HPSE2: variants seen among roughly 807,000 people sequenced by gnomAD.
HPSE2 encodes heparanase 2 (inactive).
HPSE2 carries 38 observed loss-of-function variants against 60.5 expected under a neutral mutation model. That is an observed-to-expected ratio of 0.63 (90% CI 0.48 to 0.82). The LOEUF is 0.82. Among genes scored for constraint, HPSE2 ranks in the 40% least tolerant of loss-of-function variants. HPSE2 has a pLI of 0.00. For missense variants in HPSE2, 713 were observed against 740.4 expected, an observed-to-expected ratio of 0.96 and a Z score of 0.43; for synonymous variants, 295 against 293.2, an observed-to-expected ratio of 1.01 and a Z score of -0.06.
intron 4 of HPSE2, among the ~76,000 whole-genome samples, chr10:98,737,446 G>T (rs1949386693): frequency 8.8e-6 from 1 of 113,356 alleles, no homozygotes; most frequent in African/African-American, 3.1e-5. Context: ...GCAGCCCAGT[G>T]TTGTATCTGG....
chr10:99,169,157 C>T (rs1407484490), intron 2 of HPSE2, among the ~76,000 whole-genome samples: 6 of 141,432 alleles, frequency 4.2e-5, no homozygotes, highest in Non-Finnish European at 7.5e-5. Flanking sequence ...TGCGCCACTG[C>T]ACTCCAGCCT....
chr10:99,027,670 CACCACT>C (rs1359328217), intron 3 of HPSE2, among the ~76,000 whole-genome samples: 1 of 112,952 alleles, frequency 8.9e-6, no homozygotes, highest in Admixed American at 1.2e-4. Flanking sequence ...ACACCACCAC[CACCACT>C]ACCACCACCA....
rs567005722 is a variant in HPSE2, at chr10:98,942,292, A to C, written c.611-198236T>G. On this transcript the variant is annotated intron_variant, in intron 3 of 11. Transcript: ENST00000370552. ...AGAAACTACCATTAGAGTGAACAGGAAACCTATAAAATGGGAGAAAATTTT... is the reference window on the plus strand; with the variant it reads ...AGAAACTACCATTAGAGTGAACAGGCAACCTATAAAATGGGAGAAAATTTT... Among the ~76,000 whole-genome samples the C allele has an allele frequency of 2.9e-3, 417 of 141,678 alleles. 25 individuals are homozygous for C. Among genetic ancestry groups the C allele is most frequent in the Non-Finnish European group, 4.2e-3 (281 of 66,632 alleles). 92.9% of individuals were successfully genotyped at this position (141,678 alleles called of 152,430 possible).
intron 3 of HPSE2, among the ~76,000 whole-genome samples, chr10:98,912,867 T>C (rs1443390954): frequency 6.6e-6 from 1 of 152,178 alleles, no homozygotes; most frequent in Non-Finnish European, 1.5e-5. Context: ...TAAGACCTAC[T>C]ATTTGATAGC....
At chr10:98,534,660 C>T (rs1943228936) in intron 9 of HPSE2, among the ~76,000 whole-genome samples, 1 of 152,234 alleles carries the variant, frequency 6.6e-6, no homozygotes, top group African/African-American at 2.4e-5. Context: ...CCACCTCAGC[C>T]TCCCAAAGTG....
chr10:99,176,257 G>A (rs996460638), intron 2 of HPSE2, among the ~76,000 whole-genome samples: 4 of 152,118 alleles, frequency 2.6e-5, no homozygotes, highest in African/African-American at 9.7e-5. Flanking sequence ...AAACAAAACT[G>A]GATGGAGAAT....
At chr10:98,489,140 G>C (rs889162643) in intron 10 of HPSE2, among the ~76,000 whole-genome samples, 1 of 152,034 alleles carries the variant, frequency 6.6e-6, no homozygotes, top group African/African-American at 2.4e-5. Context: ...CCCCCCACCA[G>C]GTTTTCTTTG....
At chr10:98,975,825 G>A (rs563680246) in intron 3 of HPSE2, among the ~76,000 whole-genome samples, 9 of 152,206 alleles carry the variant, frequency 5.9e-5, no homozygotes, top group South Asian at 2.1e-4. Flanking sequence ...GTTGGACATC[G>A]GGGGTTCTTC....
chr10:98,739,645 G>A (rs930904537), intron 4 of HPSE2, among the ~76,000 whole-genome samples: 3 of 151,978 alleles, frequency 2.0e-5, no homozygotes, highest in African/African-American at 7.2e-5. Context: ...TTAGTAGACA[G>A]GCTCCAGAGA....
intron 3 of HPSE2, among the ~76,000 whole-genome samples, chr10:98,823,308 T>C (rs145398784): frequency 6.6e-6 from 1 of 152,276 alleles, no homozygotes; most frequent in Admixed American, 6.5e-5. Flanking sequence ...AAAATGAATA[T>C]AGATGGATTA....
intron 3 of HPSE2, among the ~76,000 whole-genome samples, chr10:98,768,742 T>C (rs1249677557): frequency 2.0e-5 from 3 of 152,202 alleles, no homozygotes; most frequent in Non-Finnish European, 4.4e-5. Context: ...TTCCTTGTTT[T>C]ACAAAAGTCA....
chr10:99,284,966 A>C, the HPSE2 span, among the ~76,000 whole-genome samples: 80 of 152,310 alleles, frequency 5.3e-4, no homozygotes, highest in Non-Finnish European at 9.0e-4. Flanking sequence ...AAACCACTTA[A>C]GTAATTGGGG....
At chr10:98,563,347 A>T (rs1362426021) in intron 9 of HPSE2, among the ~76,000 whole-genome samples, 1 of 152,212 alleles carries the variant, frequency 6.6e-6, no homozygotes, top group Non-Finnish European at 1.5e-5. Context: ...AATACATAAG[A>T]AATGTCCAGA....
intron 3 of HPSE2, among the ~76,000 whole-genome samples, chr10:98,816,856 C>A (rs538357747): frequency 1.3e-5 from 2 of 149,846 alleles, no homozygotes; most frequent in African/African-American, 5.1e-5. Context: ...CCTTTGACCT[C>A]CGTGTCAATC....
At chr10:99,034,900 G>A (rs190630168) in intron 3 of HPSE2, among the ~76,000 whole-genome samples, 7 of 152,126 alleles carry the variant, frequency 4.6e-5, no homozygotes, top group Admixed American at 2.6e-4. Flanking sequence ...GTAAAAATAT[G>A]GTATAAAAGA....
chr10:99,252,812 G>A, the HPSE2 span, among the ~76,000 whole-genome samples: 1 of 150,762 alleles, frequency 6.6e-6, no homozygotes, highest in African/African-American at 2.4e-5. Flanking sequence ...GGGAGGCAGA[G>A]CTTGCAGTGA....
chr10:99,045,559 C>CA (rs1957836064), intron 3 of HPSE2, among the ~76,000 whole-genome samples: 1 of 151,526 alleles, frequency 6.6e-6, no homozygotes, highest in Non-Finnish European at 1.5e-5. Context: ...ATTCATTCTC[C>CA]AAAAAAATAA....
intron 9 of HPSE2, among the ~76,000 whole-genome samples, chr10:98,571,827 T>C (rs1389347226): frequency 6.6e-6 from 1 of 152,228 alleles, no homozygotes; most frequent in East Asian, 1.9e-4. Flanking sequence ...TTTCAGGCAC[T>C]GGCAGTTAAG....
At chr10:98,852,053 C>T (rs1952185916) in intron 3 of HPSE2, among the ~76,000 whole-genome samples, 1 of 150,644 alleles carries the variant, frequency 6.6e-6, no homozygotes, top group African/African-American at 2.4e-5. Flanking sequence ...TTCGCACATT[C>T]ATTTACTTTA....
Sources: gnomAD v4.1 joint callset for allele counts (sites outside exome capture counted in the v4.1 genomes callset) on GRCh38, gnomAD v4.1.1 for gene constraint, MANE v1.5 for transcripts, NCBI Gene and HGNC (gene_info 2026-07-23, HGNC 2026-07-21) for gene names.